Variants in RP1 observed in about 807,000 individuals in gnomAD.
The protein encoded by RP1 is oxygen-regulated protein 1.
Under a neutral mutation model 14.8 loss-of-function variants are expected in RP1, and 16 were observed. That is an observed-to-expected ratio of 1.08 (90% CI 0.73 to 1.65). RP1 has a LOEUF of 1.65. Ranked by LOEUF, RP1 falls within the 40% of genes most tolerant of loss-of-function variation. The pLI, the probability that RP1 is intolerant of heterozygous loss-of-function variation, is 0.00. For missense variants in RP1, 2,631 were observed against 2,535.0 expected (o/e 1.04, Z -0.81); for synonymous variants, 876 against 883.6 (o/e 0.99, Z 0.15).
intron 24 of RP1, among the ~76,000 whole-genome samples, chr8:54,808,663 A>T (rs1269535218): frequency 6.6e-6 from 1 of 152,238 alleles, no homozygotes; most frequent in Non-Finnish European, 1.5e-5. Context: ...TCTTTGTTAA[A>T]AAATGTTTCT....
rs182793735 is a variant in RP1, at chr8:54,702,555, C to T, written c.1998+893C>T. ...GCAAGTTGTAATCTTTTTGCTGTAG[C>T]GGGGGGTCTTGCCTCGATATTGACA... On this transcript the variant is annotated intron_variant, in intron 14 of 22. Coordinates refer to the RP1 transcript ENST00000636932. Among the ~76,000 whole-genome samples, 46 of 152,198 alleles carry T rather than the reference C, an allele frequency of 3.0e-4. No individual in the cohort carries two copies. The East Asian group carries it at 3.9e-3, about 13-fold the overall frequency.
intron 21 of RP1, among the ~76,000 whole-genome samples, chr8:54,756,666 C>T (rs548100735): frequency 3.3e-5 from 5 of 152,224 alleles, no homozygotes; most frequent in East Asian, 1.9e-4. Flanking sequence ...ATTAATATTA[C>T]GCTAAGTGAT....
chr8:54,633,735 C>CTA (rs1348966106), downstream of RP1, among the ~76,000 whole-genome samples: 4,000 of 126,110 alleles, frequency 0.032, 55 homozygotes, highest in African/African-American at 0.038. Context: ...CTCTCTCTCT[C>CTA]TCTATATATA....
At chr8:54,684,318 G>A (rs1305587781) in intron 12 of RP1, among the ~76,000 whole-genome samples, 1 of 152,080 alleles carries the variant, frequency 6.6e-6, no homozygotes, top group African/African-American at 2.4e-5. Context: ...GAATGATGCT[G>A]GCCTCATAAA....
chr8:54,684,207 G>T (rs1412765899), intron 12 of RP1, among the ~76,000 whole-genome samples: 2 of 151,966 alleles, frequency 1.3e-5, no homozygotes, highest in African/African-American at 4.8e-5. Context: ...TGTTGTATCT[G>T]TTTGCCAGGA....
chr8:54,815,337 A>C (rs1811113593), intron 24 of RP1, among the ~76,000 whole-genome samples: 2 of 152,226 alleles, frequency 1.3e-5, no homozygotes, highest in African/African-American at 4.8e-5. Flanking sequence ...TATTAAAATA[A>C]ATAAATTAAA....
intron 27 of RP1, chr8:54,857,213 T>A (rs1321996721): frequency 7.0e-6 from 2 of 287,320 alleles, no homozygotes; most frequent in Non-Finnish European, 1.2e-5. Context: ...AAAATTCAGA[T>A]AAGAAAATAA....
chr8:54,778,669 A>G (rs570348151), intron 23 of RP1, among the ~76,000 whole-genome samples: 5 of 152,234 alleles, frequency 3.3e-5, no homozygotes, highest in Non-Finnish European at 7.4e-5. Flanking sequence ...TAGGATGTTC[A>G]CTAGTGAGAG....
intron 14 of RP1, among the ~76,000 whole-genome samples, chr8:54,705,366 A>C (rs151307902): frequency 4.9e-4 from 74 of 152,330 alleles, no homozygotes; most frequent in African/African-American, 1.7e-3. Flanking sequence ...GTCAAGGCAG[A>C]GGTACTTTCT....
Position 54,801,972 on chromosome 8 carries a change from G to A in RP1, c.3615+18262G>A, listed in dbSNP as rs754009692. 1.6e-4 allele frequency among the ~76,000 whole-genome samples: 24 copies of A among 152,228 alleles called. 1 individual carries two copies. Among genetic ancestry groups the A allele is most frequent in the Non-Finnish European group, 2.5e-4 (17 of 68,010 alleles). ...CAACTCTCTACATCTCTGAGCTCAC[G>A]CTATGAATATTTAGATGGGTAGTCA... On this transcript the variant is annotated intron_variant, in intron 24 of 28. Transcript: ENST00000637698.
At chr8:54,585,157 G>C (rs1170328538) in intron 1 of RP1, among the ~76,000 whole-genome samples, 1 of 152,174 alleles carries the variant, frequency 6.6e-6, no homozygotes, top group South Asian at 2.1e-4. Context: ...TCCATGTTCA[G>C]TGCTTCCTTC....
At chr8:54,616,693 G>A (rs79452780) in intron 1 of RP1, among the ~76,000 whole-genome samples, 9,787 of 152,212 alleles carry the variant, frequency 0.064, 977 homozygotes, top group African/African-American at 0.22. Context: ...TGAACATTCT[G>A]TACATTCTGT....
In RP1 at chr8:54,836,984, A is replaced by G. The variant is rs1365021031; in HGVS notation, c.3616-466A>G. Among the ~76,000 whole-genome samples the G allele has an allele frequency of 2.6e-5, 4 of 152,180 alleles. No homozygotes were observed. The East Asian group carries it at 7.7e-4, about 29-fold the overall frequency. On this transcript the variant is annotated intron_variant, in intron 24 of 28. Transcript: ENST00000637698. ...TATGTGTTCTGGGGGGTGCAAAGGA[A>G]TACAATCATGTTACCAACACTTCTG...
At chr8:54,691,959 C>T (rs1201280750) in intron 12 of RP1, among the ~76,000 whole-genome samples, 2 of 151,968 alleles carry the variant, frequency 1.3e-5, no homozygotes, top group African/African-American at 4.8e-5. Context: ...AATGCTGTCG[C>T]TCCCCCCTCC....
chr8:54,821,650 G>A (rs1172782247), intron 24 of RP1, among the ~76,000 whole-genome samples: 1 of 152,024 alleles, frequency 6.6e-6, no homozygotes, highest in Non-Finnish European at 1.5e-5. Context: ...CACTCTAAGA[G>A]CAACTTAATG....
intron 3 of RP1, among the ~76,000 whole-genome samples, chr8:54,643,456 A>AT (rs1806489339): frequency 6.6e-6 from 1 of 152,304 alleles, no homozygotes; most frequent in South Asian, 2.1e-4. Context: ...ATCATAAAGT[A>AT]TATACTCCTC....
chr8:54,586,349 C>T lies in RP1; in HGVS notation c.-13+27029C>T, dbSNP rs181123651. On this transcript the variant is annotated intron_variant, in intron 1 of 22. Transcript: ENST00000636932. Reference sequence around the variant, plus strand: ...CAGCAAATGTTACTGCCTGATCCTTCCTCTGGAATTTTTGTCTCAGAGGAG... The same window carrying T: ...CAGCAAATGTTACTGCCTGATCCTTTCTCTGGAATTTTTGTCTCAGAGGAG... 4.2e-3 allele frequency among the ~76,000 whole-genome samples: 642 copies of T among 152,326 alleles called. 2 individuals carry two copies. Among genetic ancestry groups the T allele is most frequent in the African/African-American group, 0.014 (568 of 41,566 alleles).
chr8:54,662,284 G>A (rs1051703985), intron 6 of RP1, among the ~76,000 whole-genome samples: 4 of 152,098 alleles, frequency 2.6e-5, no homozygotes, highest in Admixed American at 2.6e-4. Context: ...TTAATTTCAG[G>A]TTATAAATCC....
At chr8:54,646,433 T>C (rs1052850452) in intron 3 of RP1, among the ~76,000 whole-genome samples, 1 of 152,154 alleles carries the variant, frequency 6.6e-6, no homozygotes, top group Non-Finnish European at 1.5e-5. Context: ...GTTGGCCTAT[T>C]ACCTCATATA....
Sources: allele counts gnomAD v4.1 joint callset (sites outside exome capture counted in the v4.1 genomes callset), GRCh38; gene constraint gnomAD v4.1.1; transcripts MANE v1.5; gene names NCBI Gene and HGNC (gene_info 2026-07-23, HGNC 2026-07-21).